Variants in CDKAL1 observed in about 807,000 individuals in gnomAD.
The protein encoded by CDKAL1 is threonylcarbamoyladenosine tRNA methylthiotransferase.
CDKAL1 carries 32 observed loss-of-function variants against 68.2 expected under a neutral mutation model. The ratio of observed to expected loss-of-function variants is 0.47; its 90% confidence interval spans 0.35 to 0.63. The LOEUF (loss-of-function observed/expected upper bound fraction) is 0.63. Among genes scored for constraint, CDKAL1 ranks in the 30% least tolerant of loss-of-function variants. The pLI, the probability that CDKAL1 is intolerant of heterozygous loss-of-function variation, is 0.00. For missense variants in CDKAL1, 606 were observed against 696.7 expected, an observed-to-expected ratio of 0.87 and a Z score of 1.47; for synonymous variants, 234 against 244.3, an observed-to-expected ratio of 0.96 and a Z score of 0.39.
intron 6 of CDKAL1, among the ~76,000 whole-genome samples, chr6:20,754,311 A>G (rs1774074318): frequency 1.3e-5 from 2 of 152,078 alleles, no homozygotes; most frequent in Admixed American, 6.5e-5. Context: ...TAGTCATCCT[A>G]CTGGGTGTGA....
At chr6:20,568,013 C>T (rs1764530524) in intron 4 of CDKAL1, among the ~76,000 whole-genome samples, 1 of 152,056 alleles carries the variant, frequency 6.6e-6, no homozygotes, top group South Asian at 2.1e-4. Context: ...GTAGCTGGGA[C>T]CACAGGCGCC....
At chr6:20,639,859 T>C (rs1409894794) in intron 4 of CDKAL1, among the ~76,000 whole-genome samples, 1 of 152,182 alleles carries the variant, frequency 6.6e-6, no homozygotes, top group Admixed American at 6.5e-5. Flanking sequence ...TTAGTAGAGA[T>C]GGGGTTTCAC....
chr6:20,598,565 T>A (rs1765942145), intron 4 of CDKAL1, among the ~76,000 whole-genome samples: 2 of 152,204 alleles, frequency 1.3e-5, no homozygotes, highest in Non-Finnish European at 2.9e-5. Flanking sequence ...GACACATGTT[T>A]TAAATTCATA....
At chr6:20,576,914 A>G (rs1379566456) in intron 4 of CDKAL1, among the ~76,000 whole-genome samples, 2 of 152,308 alleles carry the variant, frequency 1.3e-5, no homozygotes, top group East Asian at 3.9e-4. Context: ...ACAGGTATAT[A>G]TATATTTTAA....
chr6:20,883,639 G>T (rs1365197256), intron 9 of CDKAL1, among the ~76,000 whole-genome samples: 3 of 152,182 alleles, frequency 2.0e-5, no homozygotes, highest in African/African-American at 7.2e-5. Context: ...GAAGTGTCTT[G>T]ATATATGCAT....
At chr6:20,738,491 T>G (rs1299696479) in intron 5 of CDKAL1, among the ~76,000 whole-genome samples, 1 of 148,850 alleles carries the variant, frequency 6.7e-6, no homozygotes, top group Non-Finnish European at 1.5e-5. Flanking sequence ...CTTAGTTTTT[T>G]TTTTTTTTTT....
intron 11 of CDKAL1, among the ~76,000 whole-genome samples, chr6:21,012,795 T>C (rs1768094756): frequency 6.6e-6 from 1 of 152,146 alleles, no homozygotes; most frequent in Non-Finnish European, 1.5e-5. Context: ...GGGTGAATGC[T>C]CTTCTGAGTG....
At chr6:21,043,523 T>C (rs769691675) in intron 11 of CDKAL1, among the ~76,000 whole-genome samples, 26 of 152,214 alleles carry the variant, frequency 1.7e-4, no homozygotes, top group Non-Finnish European at 3.5e-4. Flanking sequence ...TACTCTTCTC[T>C]CCTTTTGCAA....
At chr6:20,682,655 C>G (rs1361027139) in intron 5 of CDKAL1, among the ~76,000 whole-genome samples, 1 of 152,132 alleles carries the variant, frequency 6.6e-6, no homozygotes, top group African/African-American at 2.4e-5. Context: ...ACGGGAATTA[C>G]AATTTGACAT....
chr6:20,926,304 A>C (rs1763184415), intron 9 of CDKAL1, among the ~76,000 whole-genome samples: 1 of 152,162 alleles, frequency 6.6e-6, no homozygotes. Context: ...ATTTATGTCA[A>C]GGATATGTTG....
chr6:21,211,195 T>A (rs1357246776), intron 15 of CDKAL1, among the ~76,000 whole-genome samples: 1 of 152,186 alleles, frequency 6.6e-6, no homozygotes, highest in African/African-American at 2.4e-5. Flanking sequence ...AGGAAATTTT[T>A]CTCACTGTGA....
intron 5 of CDKAL1, among the ~76,000 whole-genome samples, chr6:20,674,777 T>G (rs911598579): frequency 2.0e-5 from 3 of 152,212 alleles, no homozygotes; most frequent in Non-Finnish European, 4.4e-5. Context: ...TTCCATTAGA[T>G]CAACTTATTT....
intron 12 of CDKAL1, among the ~76,000 whole-genome samples, chr6:21,076,230 A>T (rs1477265026): frequency 2.6e-5 from 4 of 152,170 alleles, no homozygotes; most frequent in Non-Finnish European, 5.9e-5. Context: ...GGGTGTTCAT[A>T]CCAAGGCAGG....
At chr6:20,862,666 CGCGTGCATGCGCGCGT>C (rs1759704280) in intron 9 of CDKAL1, among the ~76,000 whole-genome samples, 1 of 144,416 alleles carries the variant, frequency 6.9e-6, no homozygotes. Context: ...TGTGTGTGCG[CGCGTGCATGCGCGCGT>C]GCGCATATAC....
At chr6:21,109,933 T>C (rs1415647016) in intron 13 of CDKAL1, among the ~76,000 whole-genome samples, 2 of 152,226 alleles carry the variant, frequency 1.3e-5, no homozygotes, top group Middle Eastern at 3.2e-3. Context: ...CTTCTTTTAT[T>C]AGAACTCTTA....
intron 4 of CDKAL1, among the ~76,000 whole-genome samples, chr6:20,573,697 G>A (rs1434721966): frequency 1.3e-5 from 2 of 152,086 alleles, no homozygotes. Context: ...ATCATTTTCT[G>A]AATTTTGGAT....
chr6:20,548,030 G>A (rs1360896384), intron 3 of CDKAL1, among the ~76,000 whole-genome samples: 1 of 152,120 alleles, frequency 6.6e-6, no homozygotes, highest in African/African-American at 2.4e-5. Flanking sequence ...AATTTAAAAT[G>A]CAATTCAGAG....
intron 13 of CDKAL1, among the ~76,000 whole-genome samples, chr6:21,168,511 T>A (rs1202497840): frequency 6.6e-6 from 1 of 152,248 alleles, no homozygotes; most frequent in Non-Finnish European, 1.5e-5. Flanking sequence ...GAAAAATTTC[T>A]TTTTTATATA....
At chr6:21,115,519 T>C (rs1358875652) in intron 13 of CDKAL1, among the ~76,000 whole-genome samples, 1 of 152,252 alleles carries the variant, frequency 6.6e-6, no homozygotes, top group Non-Finnish European at 1.5e-5. Flanking sequence ...GTTTATGCCA[T>C]GCTTAAAACA....
Sources: allele counts gnomAD v4.1 joint callset (sites outside exome capture counted in the v4.1 genomes callset), GRCh38; gene constraint gnomAD v4.1.1; transcripts MANE v1.5; gene names NCBI Gene and HGNC (gene_info 2026-07-23, HGNC 2026-07-21).